CAST: variants seen among roughly 807,000 people sequenced by gnomAD.
The protein encoded by CAST is calpastatin, also known as MIR583 host.
CAST carries 76 observed loss-of-function variants against 119.6 expected under a neutral mutation model. The observed-to-expected ratio is 0.64, with a 90% CI of 0.53 to 0.77. The LOEUF is 0.77. CAST is among the 30% of genes least tolerant of loss of function. The probability of loss-of-function intolerance (pLI) is 0.00; values close to 1 mark genes in which losing one functional copy is unlikely to be tolerated. For synonymous variants in CAST, 319 were observed against 331.6 expected (o/e 0.96, Z 0.41); for missense variants, 953 against 946.5 (o/e 1.01, Z -0.09).
At chr5:96,015,207 T>C in the CAST span, among the ~76,000 whole-genome samples, 3 of 152,216 alleles carry the variant, frequency 2.0e-5, no homozygotes, top group African/African-American at 7.2e-5. Flanking sequence ...TAGTATAGTA[T>C]CCTAAATATT....
the CAST span, among the ~76,000 whole-genome samples, chr5:96,257,882 G>A: frequency 4.6e-5 from 7 of 152,168 alleles, no homozygotes; most frequent in South Asian, 2.1e-4. Flanking sequence ...ATCCACAGTC[G>A]TGTACACACT....
chr5:96,759,600 T>C (rs979521642), intron 24 of CAST, among the ~76,000 whole-genome samples: 3 of 152,026 alleles, frequency 2.0e-5, no homozygotes, highest in Non-Finnish European at 4.4e-5. Context: ...GCAATAAGCA[T>C]ACCAGGAAAT....
At chr5:96,290,034 C>T in the CAST span, among the ~76,000 whole-genome samples, 1 of 151,996 alleles carries the variant, frequency 6.6e-6, no homozygotes, top group East Asian at 1.9e-4. Context: ...ATATTTTTGT[C>T]TTCTACTTCA....
the CAST span, among the ~76,000 whole-genome samples, chr5:96,024,475 C>G: frequency 6.6e-6 from 1 of 152,242 alleles, no homozygotes; most frequent in South Asian, 2.1e-4. Flanking sequence ...CCATAGGATC[C>G]CTTCCTTGGC....
the CAST span, among the ~76,000 whole-genome samples, chr5:96,324,532 T>C: frequency 6.6e-6 from 1 of 152,236 alleles, no homozygotes; most frequent in East Asian, 1.9e-4. Flanking sequence ...CTCTTTAGTC[T>C]TTAAAATAGA....
At chr5:96,066,643 G>T in the CAST span, among the ~76,000 whole-genome samples, 3 of 151,684 alleles carry the variant, frequency 2.0e-5, no homozygotes, top group African/African-American at 7.3e-5. Context: ...GATCTTATTT[G>T]TTTTTTTAAA....
chr5:96,468,160 T>G, the CAST span, among the ~76,000 whole-genome samples: 68 of 152,140 alleles, frequency 4.5e-4, no homozygotes, highest in African/African-American at 1.6e-3. Context: ...TTCTTATTTA[T>G]AAGTAAGAGC....
the CAST span, among the ~76,000 whole-genome samples, chr5:96,095,607 T>A: frequency 7.3e-6 from 1 of 137,170 alleles, no homozygotes; most frequent in Admixed American, 7.5e-5. Context: ...TATGAAAGGG[T>A]GATACATTCT....
At chr5:96,253,170 G>T in the CAST span, among the ~76,000 whole-genome samples, 1 of 151,996 alleles carries the variant, frequency 6.6e-6, no homozygotes, top group African/African-American at 2.4e-5. Flanking sequence ...ATTTTGTGGT[G>T]GTTGCTAGCT....
At chr5:96,236,051 ATTAC>A in the CAST span, among the ~76,000 whole-genome samples, 21 of 152,088 alleles carry the variant, frequency 1.4e-4, no homozygotes, top group African/African-American at 4.8e-4. Context: ...GAATGTTATA[ATTAC>A]TTCTTATTAA....
the CAST span, among the ~76,000 whole-genome samples, chr5:96,505,408 A>T: frequency 6.6e-6 from 1 of 151,968 alleles, no homozygotes; most frequent in Non-Finnish European, 1.5e-5. Flanking sequence ...TGAACCCGGG[A>T]GGTGGAGGTT....
the CAST span, among the ~76,000 whole-genome samples, chr5:96,360,453 C>T: frequency 3.9e-4 from 60 of 152,310 alleles, no homozygotes; most frequent in Non-Finnish European, 7.9e-4. Context: ...TGGTTTTCCT[C>T]ATCTTCGTGG....
chr5:96,588,644 A>G (rs903342196), intron 1 of CAST, among the ~76,000 whole-genome samples: 3 of 152,232 alleles, frequency 2.0e-5, no homozygotes, highest in African/African-American at 7.2e-5. Flanking sequence ...CAGAAAAACG[A>G]TTTATGATCA....
At chr5:96,076,620 G>C in the CAST span, among the ~76,000 whole-genome samples, 6 of 152,136 alleles carry the variant, frequency 3.9e-5, no homozygotes, top group African/African-American at 1.4e-4. Flanking sequence ...TTTAGGGCAG[G>C]GTTTTAGGAA....
upstream of CAST, among the ~76,000 whole-genome samples, chr5:96,660,757 TAAG>T (rs930265147): frequency 9.2e-5 from 14 of 152,202 alleles, no homozygotes; most frequent in Non-Finnish European, 1.6e-4. Flanking sequence ...GTCACAATCA[TAAG>T]AAGATCTTGT....
chr5:96,617,517 C>T (rs138601175), intron 1 of CAST, among the ~76,000 whole-genome samples: 3,307 of 152,084 alleles, frequency 0.022, 49 homozygotes, highest in Non-Finnish European at 0.031. Context: ...AGGCCGGGCA[C>T]GGTGGCTCAT....
the CAST span, among the ~76,000 whole-genome samples, chr5:96,186,980 G>T: frequency 6.6e-6 from 1 of 152,070 alleles, no homozygotes; most frequent in Admixed American, 6.6e-5. Flanking sequence ...TTCTGGTCCT[G>T]GGCTTCGTTT....
the CAST span, among the ~76,000 whole-genome samples, chr5:96,333,634 G>A: frequency 6.6e-6 from 1 of 152,282 alleles, no homozygotes; most frequent in South Asian, 2.1e-4. Flanking sequence ...TCAGCTGTGG[G>A]TAGGGAACTG....
At chr5:96,161,820 A>C in the CAST span, among the ~76,000 whole-genome samples, 5 of 152,044 alleles carry the variant, frequency 3.3e-5, no homozygotes, top group Non-Finnish European at 4.4e-5. Flanking sequence ...TGAAGTGCAA[A>C]TCTTGCTCTT....
Sources: allele counts gnomAD v4.1 joint callset (sites outside exome capture counted in the v4.1 genomes callset), GRCh38; gene constraint gnomAD v4.1.1; transcripts MANE v1.5; gene names NCBI Gene and HGNC (gene_info 2026-07-23, HGNC 2026-07-21).